The following FCHSD2 variants were observed in gnomAD, a reference collection of about 807,000 sequenced individuals.
FCHSD2 encodes F-BAR and double SH3 domains protein 2.
A neutral mutation model predicts 108.1 loss-of-function variants in FCHSD2; 38 were observed. The ratio of observed to expected loss-of-function variants is 0.35; its 90% CI spans 0.27 to 0.46. The LOEUF (loss-of-function observed/expected upper bound fraction) is 0.46. FCHSD2 is among the 20% of genes least tolerant of loss of function. FCHSD2 has a pLI of 1.00. For missense variants in FCHSD2, 751 were observed against 897.8 expected (o/e 0.84, Z 2.09); for synonymous variants, 279 against 314.7 (o/e 0.89, Z 1.20).
chr11:73,132,799 T>G, intron 2 of FCHSD2, among the ~76,000 whole-genome samples: 1 of 125,944 alleles, frequency 7.9e-6, no homozygotes, highest in Non-Finnish European at 1.6e-5. Flanking sequence ...CACTCCAGTC[T>G]GGGTGACAGA....
intron 5 of FCHSD2, among the ~76,000 whole-genome samples, chr11:73,000,247 C>T (rs1857600629): frequency 6.6e-6 from 1 of 152,110 alleles, no homozygotes; most frequent in African/African-American, 2.4e-5. Context: ...GAAATAATTA[C>T]TTTAATATTT....
chr11:72,863,028 C>T (rs10736787), intron 13 of FCHSD2, among the ~76,000 whole-genome samples: 151,839 of 152,316 alleles, frequency 1, 75,682 homozygotes, highest in Middle Eastern at 1. Context: ...GTTCAAGATA[C>T]CTTCTTGCTT....
intron 8 of FCHSD2, among the ~76,000 whole-genome samples, chr11:72,935,446 T>A (rs1856281575): frequency 6.6e-6 from 1 of 152,202 alleles, no homozygotes; most frequent in African/African-American, 2.4e-5. Context: ...TAGACTTTGG[T>A]AAAAGTCAAG....
chr11:73,011,370 C>T (rs1857860116), intron 4 of FCHSD2, among the ~76,000 whole-genome samples: 2 of 152,224 alleles, frequency 1.3e-5, no homozygotes, highest in African/African-American at 4.8e-5. Flanking sequence ...AGGTGGGGAA[C>T]ATGTGCACCA....
intron 13 of FCHSD2, among the ~76,000 whole-genome samples, 168 bp from the exon 14 acceptor site, chr11:72,850,057 G>GTT (rs10579880): frequency 4.7e-5 from 4 of 85,500 alleles, no homozygotes; most frequent in African/African-American, 1.4e-4. Flanking sequence ...AAAGAATAGA[G>GTT]TTTTTTTTTT....
At position 72,904,547 on chromosome 11, in the gene FCHSD2, T is replaced by C. The variant is rs143776225; in HGVS notation, c.829-1909A>G. Among the ~76,000 whole-genome samples, 552 of 152,334 alleles carry C rather than the reference T, an allele frequency of 3.6e-3. 1 individual carries two copies. Among genetic ancestry groups the C allele is most frequent in the African/African-American group, 0.013 (524 of 41,586 alleles). On this transcript the variant is annotated intron_variant, in intron 9 of 19. Transcript: ENST00000409418. ...CCTACCTCTTCCACCCCTAATTATA[T>C]TGAAACAAGTTCCAGACCTATCATT... is the stretch of plus-strand genomic sequence containing the variant.
chr11:73,043,554 T>C (rs1858690717), intron 3 of FCHSD2, among the ~76,000 whole-genome samples: 1 of 152,202 alleles, frequency 6.6e-6, no homozygotes, highest in Non-Finnish European at 1.5e-5. Context: ...ATAGATAAAA[T>C]ATATTCAGAT....
At chr11:73,056,490 T>C (rs1222024757) in intron 3 of FCHSD2, among the ~76,000 whole-genome samples, 8 of 152,206 alleles carry the variant, frequency 5.3e-5, no homozygotes, top group African/African-American at 1.4e-4. Context: ...AAGGACTGTT[T>C]AGGTACATTT....
chr11:72,928,546 T>C (rs1470279146), intron 8 of FCHSD2, among the ~76,000 whole-genome samples: 1 of 152,164 alleles, frequency 6.6e-6, no homozygotes, highest in Non-Finnish European at 1.5e-5. Context: ...GCAACTGACA[T>C]TTACTAACGG....
At chr11:73,058,100 C>T (rs1658114542) in intron 3 of FCHSD2, among the ~76,000 whole-genome samples, 1 of 152,028 alleles carries the variant, frequency 6.6e-6, no homozygotes, top group Admixed American at 6.6e-5. Flanking sequence ...AGGATGGTCT[C>T]GATCTCCTGA....
chr11:73,001,330 T>C (rs1433090096), intron 4 of FCHSD2, among the ~76,000 whole-genome samples, 196 bp from the exon 5 acceptor site: 10 of 152,186 alleles, frequency 6.6e-5, no homozygotes, highest in African/African-American at 4.8e-5. Context: ...AGCTCAGCAA[T>C]AGGGAGTTCT....
intron 3 of FCHSD2, among the ~76,000 whole-genome samples, chr11:73,068,870 C>A (rs1859364004): frequency 1.3e-5 from 2 of 149,712 alleles, no homozygotes; most frequent in Non-Finnish European, 3.0e-5. Context: ...AAAAAATCAG[C>A]CAGGTGTGGT....
At chr11:72,953,770 G>C (rs1856660002) in intron 8 of FCHSD2, among the ~76,000 whole-genome samples, 1 of 152,202 alleles carries the variant, frequency 6.6e-6, no homozygotes, top group South Asian at 2.1e-4. Context: ...CTCACTGTTA[G>C]AGTCACATTT....
chr11:72,909,479 T>C (rs1296630274), intron 9 of FCHSD2, among the ~76,000 whole-genome samples: 4 of 145,906 alleles, frequency 2.7e-5, no homozygotes, highest in African/African-American at 7.6e-5. Flanking sequence ...GTGAGGAGCG[T>C]CTCTGCCTGG....
At chr11:73,024,179 A>G (rs532636253) in intron 3 of FCHSD2, among the ~76,000 whole-genome samples, 4 of 152,274 alleles carry the variant, frequency 2.6e-5, no homozygotes, top group African/African-American at 9.6e-5. Flanking sequence ...AAAATCTACC[A>G]GTGGTTGGGG....
At chr11:72,936,113 A>ACCGTTC (rs936540884) in intron 8 of FCHSD2, among the ~76,000 whole-genome samples, 12 of 152,222 alleles carry the variant, frequency 7.9e-5, no homozygotes, top group African/African-American at 2.4e-4. Flanking sequence ...GAAGACACTG[A>ACCGTTC]CCGTTCTTGA....
chr11:73,069,839 T>C (rs978478589), intron 3 of FCHSD2, among the ~76,000 whole-genome samples: 1 of 152,148 alleles, frequency 6.6e-6, no homozygotes, highest in Non-Finnish European at 1.5e-5. Context: ...ATAAAACATC[T>C]AGATTCATAA....
chr11:73,136,217 C>A (rs934592318), intron 2 of FCHSD2, among the ~76,000 whole-genome samples: 48 of 150,492 alleles, frequency 3.2e-4, no homozygotes, highest in African/African-American at 1.0e-3. Flanking sequence ...AAGAACTAGA[C>A]AAAATTTAGC....
At chr11:73,050,056 A>G (rs1454288104) in intron 3 of FCHSD2, among the ~76,000 whole-genome samples, 3 of 152,212 alleles carry the variant, frequency 2.0e-5, no homozygotes, top group African/African-American at 7.2e-5. Flanking sequence ...AGAAGTCAGT[A>G]AACTTTTCTG....
Sources: gnomAD v4.1 joint callset for allele counts (sites outside exome capture counted in the v4.1 genomes callset) on GRCh38, gnomAD v4.1.1 for gene constraint, MANE v1.5 for transcripts, NCBI Gene and HGNC (gene_info 2026-07-23, HGNC 2026-07-21) for gene names.